Variants in AFF3 observed in about 807,000 individuals in gnomAD.
The protein encoded by AFF3 is ALF transcription elongation factor 3.
A neutral mutation model predicts 129.7 loss-of-function variants in AFF3; 32 were observed. That is an observed-to-expected ratio of 0.25 (90% CI 0.19 to 0.33). The LOEUF is 0.33. Ranked by LOEUF, AFF3 falls within the 10% of genes least tolerant of loss-of-function variation. The pLI is 1.00. For missense variants in AFF3, 1,373 were observed against 1,592.0 expected, an observed-to-expected ratio of 0.86 and a Z score of 2.34; for synonymous variants, 644 against 635.4, an observed-to-expected ratio of 1.01 and a Z score of -0.20.
At position 99,799,770 on chromosome 2, in the gene AFF3, CCAAA is replaced by C. The variant is rs202005788; in HGVS notation, c.921+37703_921+37706del. Among the ~76,000 whole-genome samples the C allele has an allele frequency of 6.3e-3, 952 of 152,142 alleles. 10 individuals are homozygous for C. The highest frequency in any genetic ancestry group is 0.034 in the Admixed American group (525 of 15,262). ...ATACCAGTGTAAGGACTGACAAGAA[CCAAA>C]CAGAGAATCCAGAAATACACCACAT... On this transcript the variant is annotated intron_variant, in intron 8 of 24. Coordinates refer to ENST00000672756, the MANE Select transcript of AFF3 (RefSeq NM_001386135.1).
At chr2:99,652,748 C>T (rs1345009475) in intron 12 of AFF3, among the ~76,000 whole-genome samples, 2 of 152,146 alleles carry the variant, frequency 1.3e-5, no homozygotes, top group African/African-American at 4.8e-5. Context: ...CTGAAAGAGA[C>T]AGTCAGTCCG....
At chr2:99,559,688 G>T (rs1675290130) in intron 21 of AFF3, among the ~76,000 whole-genome samples, 1 of 152,120 alleles carries the variant, frequency 6.6e-6, no homozygotes, top group Non-Finnish European at 1.5e-5. Context: ...TTGCTAACTC[G>T]GATCTGATGC....
At chr2:99,774,307 A>C (rs1406272104) in intron 8 of AFF3, among the ~76,000 whole-genome samples, 1 of 152,200 alleles carries the variant, frequency 6.6e-6, no homozygotes, top group African/African-American at 2.4e-5. Context: ...AAAAAGAATA[A>C]AGCTGGAGGC....
chr2:99,901,173 G>T (rs1694319546), intron 7 of AFF3, among the ~76,000 whole-genome samples: 1 of 152,226 alleles, frequency 6.6e-6, no homozygotes, highest in Non-Finnish European at 1.5e-5. Context: ...TCTTTGATGG[G>T]ATGTCTCTTT....
chr2:99,819,459 C>A (rs1042934028), intron 8 of AFF3, among the ~76,000 whole-genome samples: 2 of 152,148 alleles, frequency 1.3e-5, no homozygotes, highest in African/African-American at 4.8e-5. Context: ...GTTATTTTAA[C>A]AAGAATAATA....
In AFF3 at chr2:99,594,003, G is replaced by T; in HGVS notation, c.1658C>A (p.Ala553Asp). The T allele has an allele frequency of 6.4e-7, 1 of 1,555,480 alleles. No individual in the cohort carries two copies. Residue 553 changes from alanine to aspartate, a missense_variant, in exon 15 of 25, where the codon GCC (alanine) becomes GAC (aspartate). This residue lies in a region of AFF3 where 413 missense variants were observed against 424.4 expected (regional missense o/e 0.97). Transcript: ENST00000672756. ...KGVKQKSPPAAVAVAVSAAAP... is the reference protein window; with the variant it reads ...KGVKQKSPPADVAVAVSAAAP... ...GGCTGCGCTCACCGCCACGGCCACGGCCGCGGGCGGGGACTTCTGCTTCAC... is the reference window on the plus strand; with the variant it reads ...GGCTGCGCTCACCGCCACGGCCACGTCCGCGGGCGGGGACTTCTGCTTCAC...
chr2:100,001,517 A>G (rs1681413883), intron 7 of AFF3, among the ~76,000 whole-genome samples: 1 of 152,180 alleles, frequency 6.6e-6, no homozygotes, highest in African/African-American at 2.4e-5. Flanking sequence ...CAATTTCTGC[A>G]TCCCGAGTTC....
chr2:99,769,502 C>A (rs1057318567), intron 8 of AFF3, among the ~76,000 whole-genome samples: 4 of 152,190 alleles, frequency 2.6e-5, no homozygotes, highest in African/African-American at 9.7e-5. Flanking sequence ...ACACCTTATG[C>A]CTTATCTAGT....
chr2:99,600,465 A>G (rs1244625612), intron 14 of AFF3, among the ~76,000 whole-genome samples: 3 of 152,192 alleles, frequency 2.0e-5, no homozygotes, highest in Non-Finnish European at 4.4e-5. Flanking sequence ...TAAAAGCTGG[A>G]CACGGGGATG....
chr2:99,946,473 T>TAAAAAAAAA (rs55672296), intron 7 of AFF3, among the ~76,000 whole-genome samples: 33 of 50,504 alleles, frequency 6.5e-4, no homozygotes, highest in Non-Finnish European at 8.2e-4. Flanking sequence ...GACGCCATCT[T>TAAAAAAAAA]AAAAAAAAAA....
chr2:99,774,349 A>G (rs1278989579), intron 8 of AFF3, among the ~76,000 whole-genome samples: 2 of 152,222 alleles, frequency 1.3e-5, no homozygotes, highest in Non-Finnish European at 1.5e-5. Flanking sequence ...CTATAATACA[A>G]GACTACAGTA....
chr2:99,664,082 A>C (rs927667953), intron 12 of AFF3, among the ~76,000 whole-genome samples: 1 of 152,188 alleles, frequency 6.6e-6, no homozygotes, highest in African/African-American at 2.4e-5. Context: ...AAGTCTTCTA[A>C]TTCCTTCACA....
intron 7 of AFF3, among the ~76,000 whole-genome samples, chr2:100,003,269 A>G (rs1158310471): frequency 6.6e-6 from 1 of 152,186 alleles, no homozygotes. Context: ...AACAGTCCCC[A>G]ATGTTTGAAT....
chr2:99,968,546 A>G (rs1261222849), intron 7 of AFF3, among the ~76,000 whole-genome samples: 2 of 152,196 alleles, frequency 1.3e-5, no homozygotes, highest in Admixed American at 6.5e-5. Context: ...AAAAAAGAAA[A>G]TGATTTCATT....
intron 8 of AFF3, among the ~76,000 whole-genome samples, chr2:99,805,438 C>T (rs533405000): frequency 3.0e-4 from 45 of 152,196 alleles, no homozygotes; most frequent in Admixed American, 9.2e-4. Flanking sequence ...TCTGGCCTTG[C>T]GTTGTTCAGA....
In AFF3 at chr2:99,966,853, TTAAGA is replaced by T. The variant is rs1677835107; in HGVS notation, c.873+39774_873+39778del. The stretch of plus-strand genomic sequence containing the variant: ...ATTGATTCTGATTTAAATAATTTCA[TTAAGA>T]TAAATATGAAAATGGGAAGAAATTG... On this transcript the variant is annotated intron_variant, in intron 7 of 24. Coordinates refer to ENST00000672756, the MANE Select transcript of AFF3 (RefSeq NM_001386135.1). 5.9e-5 allele frequency among the ~76,000 whole-genome samples: 9 copies of T among 152,122 alleles called. No homozygotes were observed. The South Asian group carries it at 1.9e-3, about 32-fold the overall frequency.
intron 9 of AFF3, among the ~76,000 whole-genome samples, chr2:99,746,418 A>G (rs1007940735): frequency 5.9e-5 from 9 of 152,258 alleles, no homozygotes; most frequent in African/African-American, 1.9e-4. Flanking sequence ...CTGAAACAGT[A>G]TAAAATGAGC....
Position 99,546,943 on chromosome 2 carries a change from T to C in AFF3, c.*4531A>G, listed in dbSNP as rs1358476021. 3.6e-5 allele frequency: 8 copies of C among 221,028 alleles called. No homozygotes were observed. Among genetic ancestry groups the C allele is most frequent in the South Asian group, 1.8e-4 (1 of 5,438 alleles). 13.7% of individuals were successfully genotyped at this position (221,028 alleles called of 1,614,324 possible). On this transcript the variant is annotated 3_prime_UTR_variant, in exon 25 of 25. Coordinates refer to ENST00000672756, the MANE Select transcript of AFF3 (RefSeq NM_001386135.1). ...TTCACTGGGACACTGGGAGCGTGCA[T>C]GTGCATACGTGCATGCATGTGCGCG...
intron 7 of AFF3, among the ~76,000 whole-genome samples, chr2:99,908,926 A>G (rs1483403347): frequency 6.6e-6 from 1 of 152,212 alleles, no homozygotes; most frequent in Non-Finnish European, 1.5e-5. Context: ...GCGATTCCTC[A>G]GGGATCTAGA....
Sources: allele counts gnomAD v4.1 joint callset (sites outside exome capture counted in the v4.1 genomes callset), GRCh38; gene constraint gnomAD v4.1.1; regional missense constraint gnomAD v4.1.1; transcripts MANE v1.5; gene names NCBI Gene and HGNC (gene_info 2026-07-23, HGNC 2026-07-21).